Variants in CDH11 observed in about 807,000 individuals in gnomAD.
The protein encoded by CDH11 is cadherin-11.
Under a neutral mutation model 67.8 loss-of-function variants are expected in CDH11, and 11 were observed. That is an observed-to-expected ratio of 0.16 (90% CI 0.10 to 0.27). The LOEUF (loss-of-function observed/expected upper bound fraction) is 0.27, where lower values mean the gene tolerates loss of function less well. Among genes scored for constraint, CDH11 ranks in the 10% least tolerant of loss-of-function variants. CDH11 has a pLI of 1.00. For missense variants in CDH11, 847 were observed against 1,031.2 expected (o/e 0.82, Z 2.45); for synonymous variants, 419 against 400.0 (o/e 1.05, Z -0.57).
intron 1 of CDH11, among the ~76,000 whole-genome samples, chr16:65,119,596 G>A (rs998353437): frequency 1.3e-5 from 2 of 151,992 alleles, no homozygotes; most frequent in African/African-American, 4.8e-5. Flanking sequence ...TACATGTCTG[G>A]GGCTCGCCAG....
intron 1 of CDH11, among the ~76,000 whole-genome samples, chr16:65,095,791 A>C (rs1275339216): frequency 6.6e-6 from 1 of 152,184 alleles, no homozygotes. Flanking sequence ...TCAAGTTCAT[A>C]TGTTGAAACA....
intron 1 of CDH11, among the ~76,000 whole-genome samples, chr16:65,086,969 A>T (rs143348701): frequency 4.5e-4 from 69 of 152,326 alleles, no homozygotes; most frequent in East Asian, 2.3e-3. Flanking sequence ...ATCTACGTCA[A>T]ATATTCGACT....
intron 1 of CDH11, among the ~76,000 whole-genome samples, chr16:65,055,616 A>T (rs1342899869): frequency 6.6e-6 from 1 of 152,156 alleles, no homozygotes; most frequent in African/African-American, 2.4e-5. Context: ...ATCCATACTG[A>T]TTGTGTCTCA....
At chr16:65,006,097 T>G (rs968036110) in intron 2 of CDH11, among the ~76,000 whole-genome samples, 2 of 152,190 alleles carry the variant, frequency 1.3e-5, no homozygotes, top group Admixed American at 6.5e-5. Context: ...GGAATTCCCC[T>G]TGCTTGTTCT....
intron 1 of CDH11, among the ~76,000 whole-genome samples, chr16:65,083,604 T>C (rs1439803563): frequency 1.3e-5 from 2 of 152,204 alleles, no homozygotes; most frequent in Non-Finnish European, 2.9e-5. Flanking sequence ...AAACAAATCA[T>C]TGCTGAGGCA....
intron 1 of CDH11, among the ~76,000 whole-genome samples, chr16:65,118,255 A>G (rs1038949882): frequency 6.6e-6 from 1 of 152,152 alleles, no homozygotes; most frequent in African/African-American, 2.4e-5. Flanking sequence ...TTATAGCAGA[A>G]AGATGTCTAA....
chr16:64,973,208 G>T (rs1281307043), intron 8 of CDH11, among the ~76,000 whole-genome samples, 168 bp from the exon 9 acceptor site: 1 of 152,106 alleles, frequency 6.6e-6, no homozygotes, highest in East Asian at 1.9e-4. Flanking sequence ...TTCTTTTATA[G>T]AAATAACTTT....
chr16:65,099,976 C>T (rs2074963227), intron 1 of CDH11, among the ~76,000 whole-genome samples: 1 of 152,124 alleles, frequency 6.6e-6, no homozygotes, highest in Non-Finnish European at 1.5e-5. Flanking sequence ...ATTAAGGACG[C>T]ATCTCAGAAG....
At chr16:65,106,474 T>C (rs1200988023) in intron 1 of CDH11, among the ~76,000 whole-genome samples, 1 of 152,206 alleles carries the variant, frequency 6.6e-6, no homozygotes, top group East Asian at 1.9e-4. Flanking sequence ...TCATATCTCT[T>C]AATGTCATCC....
chr16:65,029,460 T>C (rs2073598719), intron 2 of CDH11, among the ~76,000 whole-genome samples: 1 of 152,194 alleles, frequency 6.6e-6, no homozygotes, highest in Non-Finnish European at 1.5e-5. Flanking sequence ...ATGAGAGAGA[T>C]AAAATGAAAT....
At chr16:65,091,148 A>G (rs1333216030) in intron 1 of CDH11, among the ~76,000 whole-genome samples, 1 of 152,222 alleles carries the variant, frequency 6.6e-6, no homozygotes, top group East Asian at 1.9e-4. Context: ...ATGTCCATGT[A>G]GCTACAACTC....
chr16:64,999,202 T>C (rs763191467), intron 3 of CDH11, among the ~76,000 whole-genome samples: 2 of 152,218 alleles, frequency 1.3e-5, no homozygotes, highest in Admixed American at 6.5e-5. Flanking sequence ...TTTAAAAATA[T>C]ATAAGCAAAC....
chr16:64,999,858 C>T (rs35190), intron 3 of CDH11, among the ~76,000 whole-genome samples: 64,529 of 151,986 alleles, frequency 0.42, 14,691 homozygotes, highest in East Asian at 0.63. Context: ...GTTTGTTGTT[C>T]GTTTTAGCAG....
intron 2 of CDH11, among the ~76,000 whole-genome samples, chr16:65,038,869 T>C (rs2073808171): frequency 6.6e-6 from 1 of 152,214 alleles, no homozygotes; most frequent in Admixed American, 6.5e-5. Context: ...CTGCCTCTGA[T>C]CCTATTTCAC....
intron 2 of CDH11, among the ~76,000 whole-genome samples, chr16:65,046,310 G>C (rs2073961341): frequency 6.6e-6 from 1 of 152,210 alleles, no homozygotes; most frequent in African/African-American, 2.4e-5. Flanking sequence ...CGGAAGGCAA[G>C]TGTGGAGAGC....
chr16:65,069,596 C>T (rs893072618), intron 1 of CDH11, among the ~76,000 whole-genome samples: 1 of 152,114 alleles, frequency 6.6e-6, no homozygotes, highest in African/African-American at 2.4e-5. Flanking sequence ...CTACTCTGCC[C>T]AGAGATGCCC....
chr16:64,947,345 A>G lies in CDH11; in HGVS notation c.*258T>C, dbSNP rs1468487190. 1 of 1,250,218 alleles carries G rather than the reference A, an allele frequency of 8.0e-7. No individual in the cohort carries two copies. Among genetic ancestry groups the G allele is most frequent in the East Asian group, 3.4e-5 (1 of 29,792 alleles). 77.4% of individuals were successfully genotyped at this position (1,250,218 alleles called of 1,614,324 possible). On this transcript the variant is annotated 3_prime_UTR_variant, in exon 13 of 13. Transcript: ENST00000268603. ...AGCGTTAGACTTCTCCTTCACTTAAATATTTTGTATGCCAAGTGTTTTTTT... is the reference window on the plus strand; with the variant it reads ...AGCGTTAGACTTCTCCTTCACTTAAGTATTTTGTATGCCAAGTGTTTTTTT...
chr16:65,072,028 A>C, intron 1 of CDH11: 1 of 152,170 alleles, frequency 6.6e-6, no homozygotes, highest in East Asian at 1.9e-4. Flanking sequence ...AGGCTTATTG[A>C]TTCCAGTGCC....
intron 1 of CDH11, among the ~76,000 whole-genome samples, chr16:65,080,129 A>G (rs1434211193): frequency 1.3e-5 from 2 of 152,138 alleles, no homozygotes; most frequent in African/African-American, 4.8e-5. Context: ...TAAACCCTGA[A>G]TATTTTCATG....
Sources: allele counts gnomAD v4.1 joint callset (sites outside exome capture counted in the v4.1 genomes callset), GRCh38; gene constraint gnomAD v4.1.1; transcripts MANE v1.5; gene names NCBI Gene and HGNC (gene_info 2026-07-23, HGNC 2026-07-21).